SFRP4: variants seen among roughly 807,000 people sequenced by gnomAD.
The protein encoded by SFRP4 is secreted frizzled related protein 4, also known as secreted frizzled-related protein 4.
Under a neutral mutation model 36.3 loss-of-function variants are expected in SFRP4, and 25 were observed. The observed-to-expected ratio is 0.69, with a 90% CI of 0.50 to 0.96. The LOEUF (loss-of-function observed/expected upper bound fraction) is 0.96, where lower values mean the gene tolerates loss of function less well. Among genes scored for constraint, SFRP4 ranks in the 40% least tolerant of loss-of-function variants. The pLI is 0.00. For missense variants in SFRP4, 487 were observed against 459.6 expected (o/e 1.06, Z -0.54); for synonymous variants, 182 against 168.8 (o/e 1.08, Z -0.60).
Position 37,907,745 on chromosome 7 carries a change from T to C in SFRP4, c.856-81A>G, listed in dbSNP as rs1785420743. 4 of 966,860 alleles carry C rather than the reference T, an allele frequency of 4.1e-6. No homozygotes were observed. In the African/African-American group the frequency reaches 6.6e-5, roughly 16 times the overall value. The allele number at this position is 966,860 out of a possible 1,614,324, so 59.9% of individuals were successfully genotyped here. A position where few individuals can be genotyped will look rare whatever the true frequency, so the allele number is the denominator to read the frequency against. Reference sequence around the variant, plus strand: ...CAGCTAATGTGAAAATTAAGGCAAGTTTTTCACTGTAATATATTAATGACG... The same window carrying C: ...CAGCTAATGTGAAAATTAAGGCAAGCTTTTCACTGTAATATATTAATGACG... On this transcript the variant is annotated intron_variant, in intron 5 of 5. Coordinates refer to ENST00000436072, the MANE Select transcript of SFRP4 (RefSeq NM_003014.4).
chr7:37,914,170 T>C, intron 3 of SFRP4, 43 bp downstream of exon 3: 1 of 1,464,884 alleles, frequency 6.8e-7, no homozygotes, highest in Non-Finnish European at 9.6e-7. Flanking sequence ...AGCTTTGTAA[T>C]GAACCAAGTC....
chr7:37,914,079 T>C (rs1785536316), intron 3 of SFRP4, 134 bp downstream of exon 3: 8 of 682,382 alleles, frequency 1.2e-5, no homozygotes, highest in Non-Finnish European at 1.5e-5. Flanking sequence ...AGAATTCACA[T>C]GATCAACTGG....
In SFRP4 at chr7:37,914,384, C is replaced by A; in HGVS notation, c.515G>T (p.Arg172Leu). 1 of 1,613,402 alleles carries A rather than the reference C, an allele frequency of 6.2e-7. No homozygotes were observed. Among genetic ancestry groups the A allele is most frequent in the East Asian group, 2.2e-5 (1 of 44,872 alleles). The stretch of plus-strand genomic sequence containing the variant: ...AAGAAAGAACTCACCGGGGCTTAGG[C>A]GTTTACAGTCAACATCAAGAGGCCT... ...QERPLDVDCK[R>L]LSPDRCKCKK... The change falls in exon 2 of 6, where the codon CGC becomes CTC. Residue 172 changes from arginine to leucine, a missense_variant. Transcript: ENST00000436072.
chr7:37,909,332 A>T (rs1785444814), intron 5 of SFRP4, among the ~76,000 whole-genome samples: 1 of 152,196 alleles, frequency 6.6e-6, no homozygotes, highest in Admixed American at 6.5e-5. Context: ...CACTAAAACA[A>T]CTACATGTAA....
At chr7:37,914,939 T>C (rs1785550169) in intron 1 of SFRP4, among the ~76,000 whole-genome samples, 1 of 152,224 alleles carries the variant, frequency 6.6e-6, no homozygotes, top group South Asian at 2.1e-4. Context: ...CCTTTCATAA[T>C]GATATCCAGG....
chr7:37,907,496 T>A lies in SFRP4; in HGVS notation c.1024A>T (p.Asn342Tyr), dbSNP rs1282641028. Residue 342 changes from asparagine to tyrosine, a missense_variant, in exon 6 of 6, where the codon AAC becomes TAC. Transcript: ENST00000436072. ...TAGTTAGCTCACACTCTTTTCGGGT[T>A]TGTTCTCTTCTGGGCACTCCTAGTT... Reference protein sequence around the residue: ...IKTRSAQKRTNPKRV With the variant: ...IKTRSAQKRTYPKRV 6.2e-7 allele frequency: 1 copy of A among 1,613,330 alleles called. No individual in the cohort carries two copies. The highest frequency in any genetic ancestry group is 1.3e-5 in the African/African-American group (1 of 74,922).
chr7:37,916,070 C>A lies in SFRP4; in HGVS notation c.445+23G>T, dbSNP rs758509386. On this transcript the variant is annotated intron_variant, in intron 1 of 5. Coordinates refer to ENST00000436072, the MANE Select transcript of SFRP4 (RefSeq NM_003014.4). This position sits in a 1 kb window ranked among gnomAD's most constrained non-coding sequence, Gnocchi z 4.1. ...CAGCCCCGGGCGCCTCCTCGCCTCC[C>A]TCCATCCTTCCTACGGCCTCACCCT... The A allele has an allele frequency of 1.0e-5, 16 of 1,597,840 alleles. No homozygotes were observed. The South Asian group carries it at 1.8e-4, about 18-fold the overall frequency.
In SFRP4 at chr7:37,914,276, G is replaced by A. The variant is rs755909350; in HGVS notation, c.529C>T (p.Arg177Trp). The change falls in exon 3 of 6, where the codon CGG (arginine) becomes TGG (tryptophan). Residue 177 changes from arginine (R) to tryptophan (W), a missense_variant and splice_region_variant. Coordinates refer to ENST00000436072, the MANE Select transcript of SFRP4 (RefSeq NM_003014.4). ...GGCTTCACCTTTTTACACTTGCACC[G>A]ATCTAAAAAAGGCAGAAGAGGCAGA... ...DVDCKRLSPDRCKCKKVKPTL... is the reference protein window; with the variant it reads ...DVDCKRLSPDWCKCKKVKPTL... 1.1e-5 allele frequency: 18 copies of A among 1,613,844 alleles called. No individual in the cohort carries two copies. Among genetic ancestry groups the A allele is most frequent in the African/African-American group, 6.7e-5 (5 of 74,900 alleles).
At chr7:37,914,616 G>T (rs1253511334) in intron 1 of SFRP4, among the ~76,000 whole-genome samples, 163 bp from the exon 2 acceptor site, 1 of 152,250 alleles carries the variant, frequency 6.6e-6, no homozygotes, top group Non-Finnish European at 1.5e-5. Flanking sequence ...TGTAATCCCA[G>T]CAGTTTGGGA....
intron 1 of SFRP4, 115 bp from the exon 2 acceptor site, chr7:37,914,568 T>G: frequency 1.2e-6 from 1 of 812,158 alleles, no homozygotes. Context: ...ATAATAGTAT[T>G]TAATGGTAAA....
rs530040801 is a variant in SFRP4, at chr7:37,914,556, A to G, written c.446-103T>C. ...AGATATAAACTAAAACAGTATCTCA[A>G]AATAATAGTATTTAATGGTAAAAAT... is the stretch of plus-strand genomic sequence containing the variant. On this transcript the variant is annotated intron_variant, in intron 1 of 5. Transcript: ENST00000436072. 3.5e-4 allele frequency: 297 copies of G among 843,862 alleles called. 2 individuals are homozygous for G. The African/African-American group carries it at 4.6e-3, about 13-fold the overall frequency. The allele number at this position is 843,862 out of a possible 1,614,324, so 52.3% of individuals were successfully genotyped here. A position where few individuals can be genotyped will look rare whatever the true frequency, so the allele number is the denominator to read the frequency against.
At position 37,914,385 on chromosome 7, in the gene SFRP4, GT is replaced by G; in HGVS notation, c.513del (p.Lys171AsnfsTer3). The G allele has an allele frequency of 6.2e-7, 1 of 1,613,442 alleles. No individual in the cohort carries two copies. The highest frequency in any genetic ancestry group is 8.5e-7 in the Non-Finnish European group (1 of 1,179,362). On this transcript the variant is annotated frameshift_variant, in exon 2 of 6. Transcript: ENST00000436072. LOFTEE classifies it high-confidence loss of function. ...VQERPLDVDC[K>X]RLSPDRCKCK... is the part of the protein sequence containing the mutation. ...AGAAAGAACTCACCGGGGCTTAGGC[GT>G]TTACAGTCAACATCAAGAGGCCTTT...
chr7:37,914,243 C>A lies in SFRP4; in HGVS notation c.562G>T (p.Ala188Ser). The change falls in exon 3 of 6, where the codon GCA becomes TCA. Residue 188 changes from alanine to serine, a missense_variant. Ala to Ser is a moderately conservative substitution (Grantham distance 99). Coordinates refer to ENST00000436072, the MANE Select transcript of SFRP4 (RefSeq NM_003014.4). ...CKCKKVKPTL[A>S]TYLSKNYSYV... ...CTGTAGTTTTTGCTGAGATACGTTG[C>A]CAAAGTTGGCTTCACCTTTTTACAC... 1 of 1,614,132 alleles carries A rather than the reference C, an allele frequency of 6.2e-7. No homozygotes were observed. The highest frequency in any genetic ancestry group is 8.5e-7 in the Non-Finnish European group (1 of 1,180,012).
chr7:37,916,441 G>T lies in SFRP4; in HGVS notation c.97C>A (p.Arg33=). The T allele has an allele frequency of 6.2e-7, 1 of 1,613,888 alleles. No homozygotes were observed. Among genetic ancestry groups the T allele is most frequent in the Non-Finnish European group, 8.5e-7 (1 of 1,179,876 alleles). ...PCEAVRIPMC[R]HMPWNITRMP... ...CGCGTGATGTTCCAGGGCATGTGCC[G>T]GCACATAGGGATGCGCACCGCCTCG... Residue 33 remains arginine, a synonymous_variant, in exon 1 of 6, where the codon CGG becomes AGG. Coordinates refer to ENST00000436072, the MANE Select transcript of SFRP4 (RefSeq NM_003014.4). The surrounding 1 kb of genome is among the most constrained non-coding windows in gnomAD (Gnocchi z 4.1).
chr7:37,916,538 G>T lies in SFRP4; in HGVS notation c.-1C>A. The T allele has an allele frequency of 6.2e-7, 1 of 1,602,232 alleles. No homozygotes were observed. The highest frequency in any genetic ancestry group is 1.1e-5 in the South Asian group (1 of 90,934). On this transcript the variant is annotated 5_prime_UTR_variant, in exon 1 of 6. Transcript: ENST00000436072. This position sits in a 1 kb window ranked among gnomAD's most constrained non-coding sequence, Gnocchi z 4.1. ...GCGCCACTAGGATGGAGAGGAACAT[G>T]GCACTGCCCTCTCGCGCTGCGACCC...
At chr7:37,915,014 AT>A (rs1785551109) in intron 1 of SFRP4, among the ~76,000 whole-genome samples, 1 of 152,244 alleles carries the variant, frequency 6.6e-6, no homozygotes, top group African/African-American at 2.4e-5. Context: ...GTGAATGTAT[AT>A]CCATTTAACC....
rs748591339 is a variant in SFRP4, at chr7:37,916,475, G to C, written c.63C>G (p.Gly21=). The change falls in exon 1 of 6, where the codon GGC becomes GGG. Residue 21 remains glycine (G), a synonymous_variant. Coordinates refer to ENST00000436072, the MANE Select transcript of SFRP4 (RefSeq NM_003014.4). The surrounding 1 kb of genome is among the most constrained non-coding windows in gnomAD (Gnocchi z 4.1). ...GGATGCGCACCGCCTCGCAGGGCGC[G>C]CCGCGCACGCCCAGCGCCAGGTGCA... is the stretch of plus-strand genomic sequence containing the variant. ...LWLHLALGVR[G]APCEAVRIPM... The C allele has an allele frequency of 3.7e-6, 6 of 1,612,808 alleles. No individual in the cohort carries two copies. The highest frequency in any genetic ancestry group is 4.5e-5 in the East Asian group (2 of 44,852).
At chr7:37,910,556 A>G (rs374184322) in intron 4 of SFRP4, among the ~76,000 whole-genome samples, 1 of 152,032 alleles carries the variant, frequency 6.6e-6, no homozygotes, top group Non-Finnish European at 1.5e-5. Flanking sequence ...AATTTCTTAC[A>G]TTACTTTTAT....
chr7:37,906,538 G>A lies in SFRP4; in HGVS notation c.*941C>T, dbSNP rs1785399103. 1 of 152,116 alleles carries A rather than the reference G, an allele frequency of 6.6e-6. No individual in the cohort carries two copies. The allele number at this position is 152,116 out of a possible 1,614,324, so 9.4% of individuals were successfully genotyped here. A position where few individuals can be genotyped will look rare whatever the true frequency, so the allele number is the denominator to read the frequency against. On this transcript the variant is annotated 3_prime_UTR_variant, in exon 6 of 6. Transcript: ENST00000436072. ...ATTTAGGCAAAGAAAATATTTAAAT[G>A]AAGAAAACAAAATTTGGCACTCACA...
Sources: allele counts gnomAD v4.1 joint callset (sites outside exome capture counted in the v4.1 genomes callset), GRCh38; gene constraint gnomAD v4.1.1; non-coding constraint Gnocchi (gnomAD v3.1); transcripts MANE v1.5; gene names NCBI Gene and HGNC (gene_info 2026-07-23, HGNC 2026-07-21).